STARD13: variants seen among roughly 807,000 people sequenced by gnomAD.
STARD13 encodes the protein stAR-related lipid transfer protein 13.
In STARD13, 62 loss-of-function variants were observed where a neutral mutation model predicts 106.4. The ratio of observed to expected loss-of-function variants is 0.58; its 90% CI spans 0.48 to 0.72. The LOEUF is 0.72. Among genes scored for constraint, STARD13 ranks in the 30% least tolerant of loss-of-function variants. The probability of loss-of-function intolerance (pLI) is 0.00; values close to 1 mark genes in which losing one functional copy is unlikely to be tolerated. For missense variants in STARD13, 1,387 were observed against 1,424.0 expected, an observed-to-expected ratio of 0.97 and a Z score of 0.42; for synonymous variants, 565 against 553.0, an observed-to-expected ratio of 1.02 and a Z score of -0.31.
the STARD13 span, among the ~76,000 whole-genome samples, chr13:33,418,556 G>A: frequency 1.3e-5 from 2 of 152,208 alleles, no homozygotes; most frequent in Admixed American, 6.5e-5. Context: ...AGGCTTAAAC[G>A]TCCCTGTCTG....
chr13:33,201,927 TA>T (rs1713084398), intron 1 of STARD13, among the ~76,000 whole-genome samples: 1 of 152,194 alleles, frequency 6.6e-6, no homozygotes, highest in African/African-American at 2.4e-5. Flanking sequence ...TATTTGATTA[TA>T]AAAGTAATAC....
the STARD13 span, among the ~76,000 whole-genome samples, chr13:33,593,279 G>T: frequency 6.6e-6 from 1 of 152,010 alleles, no homozygotes; most frequent in Non-Finnish European, 1.5e-5. Context: ...CTGCCTCCCG[G>T]GTTCAAGTGA....
the STARD13 span, among the ~76,000 whole-genome samples, chr13:33,431,934 A>C: frequency 6.6e-6 from 1 of 152,154 alleles, no homozygotes. Flanking sequence ...TGTGACTGGC[A>C]CTCTGCTTAG....
chr13:33,431,204 A>G, the STARD13 span, among the ~76,000 whole-genome samples: 1 of 152,172 alleles, frequency 6.6e-6, no homozygotes, highest in Admixed American at 6.5e-5. Flanking sequence ...GTGTATATCT[A>G]TTGCGCATAG....
chr13:33,513,501 A>G, the STARD13 span, among the ~76,000 whole-genome samples: 1 of 152,150 alleles, frequency 6.6e-6, no homozygotes, highest in South Asian at 2.1e-4. Context: ...TCCTCCTCAT[A>G]GTATGAAGGT....
At chr13:33,228,670 G>A (rs190577787) in intron 1 of STARD13, among the ~76,000 whole-genome samples, 1 of 152,304 alleles carries the variant, frequency 6.6e-6, no homozygotes, top group East Asian at 1.9e-4. Flanking sequence ...GTTTGTGATT[G>A]CTAATTCGGA....
At chr13:33,191,890 T>C (rs957794132) in intron 1 of STARD13, among the ~76,000 whole-genome samples, 3 of 152,260 alleles carry the variant, frequency 2.0e-5, no homozygotes, top group Non-Finnish European at 4.4e-5. Context: ...TAAATAAAAC[T>C]GCATTTTGCA....
At chr13:33,131,329 C>T (rs1878258070) in intron 4 of STARD13, among the ~76,000 whole-genome samples, 1 of 152,188 alleles carries the variant, frequency 6.6e-6, no homozygotes, top group South Asian at 2.1e-4. Flanking sequence ...TAGGCCTTGC[C>T]ACCTCTCTCT....
intron 1 of STARD13, among the ~76,000 whole-genome samples, chr13:33,188,516 A>G (rs992320123): frequency 3.4e-4 from 51 of 152,132 alleles, no homozygotes; most frequent in African/African-American, 1.2e-3. Context: ...ACACATACTC[A>G]ACTTCACTGT....
intron 1 of STARD13, among the ~76,000 whole-genome samples, chr13:33,343,520 C>T (rs2077983277): frequency 7.6e-6 from 1 of 130,926 alleles, no homozygotes; most frequent in Non-Finnish European, 1.6e-5. Context: ...TGAGGCTGCA[C>T]TGAGCCATGA....
At chr13:33,523,736 T>C in the STARD13 span, among the ~76,000 whole-genome samples, 1 of 152,148 alleles carries the variant, frequency 6.6e-6, no homozygotes, top group African/African-American at 2.4e-5. Flanking sequence ...ACTCTGTATA[T>C]TATTTTGAGC....
At chr13:33,353,502 G>T (rs182548376), upstream of STARD13, among the ~76,000 whole-genome samples, 3 of 152,228 alleles carry the variant, frequency 2.0e-5, no homozygotes, top group Admixed American at 1.3e-4. Flanking sequence ...CCTTCTTAAG[G>T]CCTGACAGGC....
rs1229779802 is a variant in STARD13 at position 33,329,643 on chromosome 13, T to TTGTGTG, written c.124+20641_124+20646dup. Among the ~76,000 whole-genome samples, 61 of 104,008 alleles carry TTGTGTG rather than the reference T, an allele frequency of 5.9e-4. 1 individual carries two copies. The highest frequency in any genetic ancestry group is 1.9e-3 in the African/African-American group (52 of 27,470). 68.2% of individuals were successfully genotyped at this position (104,008 alleles called of 152,430 possible). Reference sequence around the variant, plus strand: ...TTTTTTAAACCTGAATAATATTCCATTGTGTGTGTGTATGTGTGTGTGTGT... The same window carrying TTGTGTG: ...TTTTTTAAACCTGAATAATATTCCATTGTGTGTGTGTGTGTGTATGTGTGTGTGTGT... On this transcript the variant is annotated intron_variant, in intron 1 of 5. Transcript: ENST00000567873.
At chr13:33,599,661 A>G in the STARD13 span, among the ~76,000 whole-genome samples, 1 of 152,188 alleles carries the variant, frequency 6.6e-6, no homozygotes. Flanking sequence ...AGCAAAATTT[A>G]AAGAGTTTAC....
the STARD13 span, among the ~76,000 whole-genome samples, chr13:33,516,338 G>T: frequency 6.6e-6 from 1 of 150,650 alleles, no homozygotes; most frequent in Admixed American, 6.6e-5. Context: ...AAGCATATCA[G>T]TTTCAGCTTT....
intron 3 of STARD13, among the ~76,000 whole-genome samples, chr13:33,157,502 T>C (rs1198805588): frequency 1.3e-5 from 2 of 152,056 alleles, no homozygotes; most frequent in Non-Finnish European, 1.5e-5. Flanking sequence ...ACCCCATCGC[T>C]AATAAAAATA....
At chr13:33,245,326 C>G (rs571282567) in intron 1 of STARD13, among the ~76,000 whole-genome samples, 1 of 152,284 alleles carries the variant, frequency 6.6e-6, no homozygotes, top group Non-Finnish European at 1.5e-5. Flanking sequence ...AAGAAGAAGA[C>G]AGAACACAAT....
At chr13:33,529,583 A>G in the STARD13 span, among the ~76,000 whole-genome samples, 1 of 152,194 alleles carries the variant, frequency 6.6e-6, no homozygotes, top group African/African-American at 2.4e-5. Context: ...ATTTTCCTCA[A>G]GACCTCTAAA....
chr13:33,150,643 T>A lies in STARD13; in HGVS notation c.324-8270A>T, dbSNP rs537708298. Among the ~76,000 whole-genome samples, 16 of 152,334 alleles carry A rather than the reference T, an allele frequency of 1.1e-4. No homozygotes were observed. The South Asian group carries it at 3.3e-3, about 32-fold the overall frequency. ...TTTCTCCATGGGAAGAGAAAACCCATGGCACATGATGAAGCCTGTCCTCTT... is the reference window on the plus strand; with the variant it reads ...TTTCTCCATGGGAAGAGAAAACCCAAGGCACATGATGAAGCCTGTCCTCTT... On this transcript the variant is annotated intron_variant, in intron 3 of 13. Transcript: ENST00000336934.
Sources: allele counts gnomAD v4.1 joint callset (sites outside exome capture counted in the v4.1 genomes callset), GRCh38; gene constraint gnomAD v4.1.1; transcripts MANE v1.5; gene names NCBI Gene and HGNC (gene_info 2026-07-23, HGNC 2026-07-21).